The following NDUFA7 variants were observed in gnomAD, a reference collection of about 807,000 sequenced individuals.
The protein encoded by NDUFA7 is NADH dehydrogenase [ubiquinone] 1 alpha subcomplex subunit 7.
In NDUFA7, 18 loss-of-function variants were observed where a neutral mutation model predicts 14.2. The ratio of observed to expected loss-of-function variants is 1.27; its 90% CI spans 0.88 to 1.88. The LOEUF (loss-of-function observed/expected upper bound fraction) is 1.88, where lower values mean the gene tolerates loss of function less well. Among genes scored for constraint, NDUFA7 ranks in the 40% most tolerant of loss-of-function variants. NDUFA7 has a pLI of 0.00. For missense variants in NDUFA7, 172 were observed against 147.3 expected, an observed-to-expected ratio of 1.17 and a Z score of -0.87; for synonymous variants, 75 against 62.1, an observed-to-expected ratio of 1.21 and a Z score of -0.98.
intron 2 of NDUFA7, among the ~76,000 whole-genome samples, chr19:8,318,163 T>G (rs117363503): frequency 0.043 from 6,613 of 152,086 alleles, 209 homozygotes; most frequent in Non-Finnish European, 0.066. Context: ...TTGTTTGTTT[T>G]TTTTTGAGAT....
chr19:8,310,217 G>A (rs1349683688), downstream of NDUFA7, among the ~76,000 whole-genome samples: 1 of 152,080 alleles, frequency 6.6e-6, no homozygotes, highest in African/African-American at 2.4e-5. Context: ...ATCACTTGAG[G>A]TCAGGAGTTT....
rs1406938199 is a variant in NDUFA7 at position 8,321,231 on chromosome 19, A to G, written c.51+77T>C. ...AGCGAAGGGTCCCGGCTTAGGAGGG[A>G]GGTGAGGAGCAGGAGCGGGTCCCGG... On this transcript the variant is annotated intron_variant, in intron 1 of 3. Coordinates refer to ENST00000301457, the MANE Select transcript of NDUFA7 (RefSeq NM_005001.5). The G allele has an allele frequency of 2.8e-6, 4 of 1,423,168 alleles. No individual in the cohort carries two copies. The East Asian group carries it at 1.0e-4, about 36-fold the overall frequency. 88.2% of individuals were successfully genotyped at this position (1,423,168 alleles called of 1,614,324 possible).
chr19:8,317,879 C>T (rs1970254310), intron 2 of NDUFA7, among the ~76,000 whole-genome samples: 1 of 152,120 alleles, frequency 6.6e-6, no homozygotes, highest in South Asian at 2.1e-4. Context: ...TGCTATGTTG[C>T]CCAGGTTGAT....
chr19:8,320,989 C>T (rs2145402037), intron 1 of NDUFA7, 83 bp from the exon 2 acceptor site: 2 of 1,492,254 alleles, frequency 1.3e-6, no homozygotes, highest in Middle Eastern at 1.7e-4. Context: ...AGGGATGGTC[C>T]GGGGATGCGC....
Position 8,320,900 on chromosome 19 carries a change from G to C in NDUFA7, c.58C>G (p.Leu20Val), listed in dbSNP as rs762229936. 3.0e-5 allele frequency: 48 copies of C among 1,613,840 alleles called. 1 individual carries two copies. In the South Asian group the frequency reaches 5.0e-4, roughly 17 times the overall value. Residue 20 changes from leucine (L) to valine (V), a missense_variant, in exon 2 of 4, where the codon CTG becomes GTG. By Grantham distance (32) the Leu-to-Val change is conservative. Transcript: ENST00000301457. The stretch of plus-strand genomic sequence containing the variant: ...TAGCGTAGCTGCAGCTTCCCCTGCA[G>C]GTCATGCTGTGGGAAGAGGAGAGGA... ...RLRNWASGHD[L>V]QGKLQLRYQE...
rs572742276 is a variant in NDUFA7, at chr19:8,318,756, G to A, written c.101+2101C>T. 3.4e-5 allele frequency among the ~76,000 whole-genome samples: 5 copies of A among 147,424 alleles called. No individual in the cohort carries two copies. The East Asian group carries it at 1.0e-3, about 31-fold the overall frequency. On this transcript the variant is annotated intron_variant, in intron 2 of 3. Transcript: ENST00000301457. ...TGGGAGGCCGAGGCGGGCAGATCAC[G>A]AGGTCAAGAGATCAGACCATCCTGG...
At chr19:8,309,922 G>A (rs1036105624), downstream of NDUFA7, among the ~76,000 whole-genome samples, 3 of 152,152 alleles carry the variant, frequency 2.0e-5, no homozygotes, top group Non-Finnish European at 4.4e-5. Flanking sequence ...CTTCCTTCTG[G>A]GGCGAATTCA....
At chr19:8,314,381 AG>A (rs1170195072) in intron 3 of NDUFA7, among the ~76,000 whole-genome samples, 2 of 146,064 alleles carry the variant, frequency 1.4e-5, no homozygotes, top group Non-Finnish European at 2.9e-5. Context: ...AGTTTCTCAC[AG>A]GACCCTTGGA....
chr19:8,313,783 C>T (rs763102164), intron 3 of NDUFA7, among the ~76,000 whole-genome samples: 2 of 152,230 alleles, frequency 1.3e-5, no homozygotes, highest in East Asian at 1.9e-4. Flanking sequence ...CTGTGAGCCT[C>T]GATTTCCTCT....
At position 8,321,291 on chromosome 19, in the gene NDUFA7, C is replaced by CT. The variant is rs2145402872; in HGVS notation, c.51+16dup. 1.3e-6 allele frequency: 2 copies of CT among 1,559,752 alleles called. No homozygotes were observed. The highest frequency in any genetic ancestry group is 2.3e-5 in the South Asian group (2 of 85,226). ...GCCCGAAGCCCCCCATGGTGCAGCC[C>CT]TGTCCGCCCCGCGCACCCCGGACGC... On this transcript the variant is annotated intron_variant, in intron 1 of 3. Transcript: ENST00000301457.
Position 8,316,612 on chromosome 19 carries a change from AG to A in NDUFA7, c.134del (p.Pro45LeufsTer43). On this transcript the variant is annotated frameshift_variant, in exon 3 of 4. Coordinates refer to ENST00000301457, the MANE Select transcript of NDUFA7 (RefSeq NM_005001.5). LOFTEE classifies it high-confidence loss of function. ...AGTAATTGTTGGAGAGCTTGTGGCT[AG>A]GACCCACAGGGAGCTTGGGAGGAGG... ...TQPPPKLPVG[P>X]SHKLSNNYYC... is the part of the protein sequence containing the mutation. 1 of 1,614,170 alleles carries A rather than the reference AG, an allele frequency of 6.2e-7. No individual in the cohort carries two copies. The highest frequency in any genetic ancestry group is 8.5e-7 in the Non-Finnish European group (1 of 1,180,010).
intron 2 of NDUFA7, 69 bp from the exon 3 acceptor site, chr19:8,316,714 GT>G: frequency 7.3e-7 from 1 of 1,367,478 alleles, no homozygotes; most frequent in Non-Finnish European, 1.0e-6. Flanking sequence ...GTGGGCCCCT[GT>G]CACCTCAGTC....
At chr19:8,309,216 G>A (rs1450929425), downstream of NDUFA7, among the ~76,000 whole-genome samples, 1 of 152,042 alleles carries the variant, frequency 6.6e-6, no homozygotes, top group Non-Finnish European at 1.5e-5. Context: ...GCTCACGCCT[G>A]TTAACCCCAG....
chr19:8,316,588 G>A lies in NDUFA7; in HGVS notation c.159C>T (p.Tyr53=). 1 of 1,614,214 alleles carries A rather than the reference G, an allele frequency of 6.2e-7. No homozygotes were observed. The highest frequency in any genetic ancestry group is 8.5e-7 in the Non-Finnish European group (1 of 1,180,032). ...CCCGGCGGCCATCGCGAGTGCAATA[G>A]TAATTGTTGGAGAGCTTGTGGCTAG... The part of the protein sequence containing the change: ...VGPSHKLSNN[Y]YCTRDGRRES... Residue 53 remains tyrosine, a synonymous_variant, in exon 3 of 4, where the codon TAC becomes TAT. Coordinates refer to ENST00000301457, the MANE Select transcript of NDUFA7 (RefSeq NM_005001.5).
At chr19:8,310,725 T>C (rs1464566886), downstream of NDUFA7, 3 of 152,120 alleles carry the variant, frequency 2.0e-5, no homozygotes, top group East Asian at 3.9e-4. Flanking sequence ...AAAATCCAAG[T>C]AAGCTGGGTA....
At position 8,311,304 on chromosome 19, in the gene NDUFA7, TC is replaced by T. The variant is rs1970173792; in HGVS notation, c.*200del. 2.6e-6 allele frequency: 1 copy of T among 378,266 alleles called. No individual in the cohort carries two copies. Among genetic ancestry groups the T allele is most frequent in the South Asian group, 3.5e-5 (1 of 28,334 alleles). The allele number at this position is 378,266 out of a possible 1,614,324, so 23.4% of individuals were successfully genotyped here. ...CCTGTAATCCCAGCACTTTGGGAGG[TC>T]AAGGCAGGAGGATCGCTTGAGGCCA... On this transcript the variant is annotated 3_prime_UTR_variant, in exon 4 of 4. Coordinates refer to ENST00000301457, the MANE Select transcript of NDUFA7 (RefSeq NM_005001.5).
chr19:8,320,970 C>A (rs1369489943), intron 1 of NDUFA7, 64 bp from the exon 2 acceptor site: 5 of 1,583,478 alleles, frequency 3.2e-6, no homozygotes, highest in Non-Finnish European at 4.3e-6. Context: ...AAGGAGAGGG[C>A]AAGGGACCAG....
chr19:8,321,008 G>A (rs1970299577), intron 1 of NDUFA7, 102 bp from the exon 2 acceptor site: 5 of 1,322,106 alleles, frequency 3.8e-6, no homozygotes, highest in Non-Finnish European at 4.3e-6. Context: ...GCATTTTAAG[G>A]GAAGGCAGGG....
chr19:8,314,285 C>T (rs1049538964), intron 3 of NDUFA7, among the ~76,000 whole-genome samples: 3 of 152,124 alleles, frequency 2.0e-5, no homozygotes, highest in African/African-American at 7.2e-5. Context: ...CGCGCCACTG[C>T]ACTCCAGCCT....
Sources: allele counts gnomAD v4.1 joint callset (sites outside exome capture counted in the v4.1 genomes callset), GRCh38; gene constraint gnomAD v4.1.1; transcripts MANE v1.5; gene names NCBI Gene and HGNC (gene_info 2026-07-23, HGNC 2026-07-21).